Variants in NCAM2 observed in about 807,000 individuals in gnomAD.
The protein encoded by NCAM2 is neural cell adhesion molecule 2.
Under a neutral mutation model 98.1 loss-of-function variants are expected in NCAM2, and 30 were observed. The ratio of observed to expected loss-of-function variants is 0.31; its 90% confidence interval spans 0.23 to 0.41. The LOEUF (loss-of-function observed/expected upper bound fraction) is 0.41, where lower values mean the gene tolerates loss of function less well. Among genes scored for constraint, NCAM2 ranks in the 10% least tolerant of loss-of-function variants. The pLI, the probability that NCAM2 is intolerant of heterozygous loss-of-function variation, is 1.00. For missense variants in NCAM2, 867 were observed against 1,005.8 expected (o/e 0.86, Z 1.87); for synonymous variants, 368 against 342.4 (o/e 1.07, Z -0.83).
chr21:21,308,577 G>T (rs2073951695), intron 5 of NCAM2, among the ~76,000 whole-genome samples: 1 of 152,100 alleles, frequency 6.6e-6, no homozygotes, highest in South Asian at 2.1e-4. Flanking sequence ...CTTAAGCAGT[G>T]TGGATACATT....
intron 1 of NCAM2, among the ~76,000 whole-genome samples, chr21:21,179,066 C>G (rs1051235039): frequency 2.0e-5 from 3 of 152,022 alleles, no homozygotes; most frequent in Admixed American, 2.0e-4. Context: ...TTCAGAGCTG[C>G]CTCTGAACTT....
At chr21:21,273,703 A>G (rs984654412) in intron 1 of NCAM2, among the ~76,000 whole-genome samples, 3 of 152,166 alleles carry the variant, frequency 2.0e-5, no homozygotes, top group Non-Finnish European at 4.4e-5. Context: ...CAAGTAGGAT[A>G]TACTGTATTA....
chr21:21,266,533 A>G (rs1240747757), intron 1 of NCAM2, among the ~76,000 whole-genome samples: 2 of 152,174 alleles, frequency 1.3e-5, no homozygotes, highest in African/African-American at 2.4e-5. Context: ...ATGGAATACT[A>G]TGCAGCCATA....
intron 1 of NCAM2, among the ~76,000 whole-genome samples, chr21:21,091,144 G>A (rs1041294538): frequency 1.3e-5 from 2 of 152,116 alleles, no homozygotes; most frequent in Admixed American, 1.3e-4. Context: ...ACTGTGTGTT[G>A]CATGAATGAA....
At chr21:21,184,767 T>C (rs961730959) in intron 1 of NCAM2, among the ~76,000 whole-genome samples, 3 of 152,182 alleles carry the variant, frequency 2.0e-5, no homozygotes, top group African/African-American at 7.2e-5. Flanking sequence ...TTCCTTGTTC[T>C]CAGTGAACCT....
At chr21:21,508,145 G>C (rs1988108999) in intron 15 of NCAM2, among the ~76,000 whole-genome samples, 1 of 152,040 alleles carries the variant, frequency 6.6e-6, no homozygotes, top group African/African-American at 2.4e-5. Flanking sequence ...CCAAAGAAAA[G>C]TGGCTTCCAC....
intron 8 of NCAM2, among the ~76,000 whole-genome samples, chr21:21,344,630 C>T (rs1602050979): frequency 6.6e-6 from 1 of 152,138 alleles, no homozygotes; most frequent in Non-Finnish European, 1.5e-5. Flanking sequence ...ACCAGGTAGA[C>T]TTCTAAGGTT....
At chr21:21,496,551 G>A (rs1037779189) in intron 15 of NCAM2, among the ~76,000 whole-genome samples, 8 of 151,842 alleles carry the variant, frequency 5.3e-5, no homozygotes, top group African/African-American at 1.5e-4. Context: ...ATTTTCCCCC[G>A]TTCTGTAGAT....
intron 1 of NCAM2, among the ~76,000 whole-genome samples, chr21:21,097,371 T>C (rs1390195413): frequency 1.3e-5 from 2 of 151,752 alleles, no homozygotes; most frequent in Non-Finnish European, 3.0e-5. Context: ...GCAGGTATTA[T>C]TTCACTAAAC....
intron 1 of NCAM2, among the ~76,000 whole-genome samples, chr21:21,273,898 G>A (rs906060948): frequency 1.4e-4 from 21 of 152,124 alleles, no homozygotes; most frequent in African/African-American, 4.8e-4. Flanking sequence ...GGGTGCGTTG[G>A]CTCATGCCTG....
intron 1 of NCAM2, among the ~76,000 whole-genome samples, chr21:21,064,057 C>T (rs1420486179): frequency 6.6e-6 from 1 of 152,106 alleles, no homozygotes; most frequent in Admixed American, 6.5e-5. Context: ...TAGGGGGATA[C>T]AGATCTTAAG....
At chr21:21,051,457 T>G (rs1490343548) in intron 1 of NCAM2, among the ~76,000 whole-genome samples, 1 of 152,224 alleles carries the variant, frequency 6.6e-6, no homozygotes, top group East Asian at 1.9e-4. Context: ...TAACTTTTCA[T>G]GTAGTGGATG....
At chr21:21,318,785 A>G (rs2074291439) in intron 5 of NCAM2, among the ~76,000 whole-genome samples, 1 of 152,188 alleles carries the variant, frequency 6.6e-6, no homozygotes, top group South Asian at 2.1e-4. Flanking sequence ...GGTGACTTAT[A>G]CTTGCCCAAT....
intron 1 of NCAM2, among the ~76,000 whole-genome samples, chr21:21,010,678 G>A (rs73895105): frequency 0.018 from 2,714 of 152,160 alleles, 78 homozygotes; most frequent in African/African-American, 0.061. Context: ...TTTCACTTGA[G>A]CTTTCCTGCT....
At chr21:21,091,165 G>A (rs1204924166) in intron 1 of NCAM2, among the ~76,000 whole-genome samples, 1 of 152,062 alleles carries the variant, frequency 6.6e-6, no homozygotes, top group African/African-American at 2.4e-5. Context: ...TGATATCCAA[G>A]CTTAAAAACT....
intron 8 of NCAM2, among the ~76,000 whole-genome samples, chr21:21,359,656 A>C (rs1351023160): frequency 6.6e-6 from 1 of 151,942 alleles, no homozygotes; most frequent in African/African-American, 2.4e-5. Flanking sequence ...ACTAAAAGTG[A>C]TTTTAATAAG....
chr21:21,286,986 A>G (rs766313352), intron 4 of NCAM2, among the ~76,000 whole-genome samples: 5 of 151,942 alleles, frequency 3.3e-5, no homozygotes, highest in Non-Finnish European at 7.4e-5. Context: ...TACAAGTTCT[A>G]AATATTATGG....
intron 11 of NCAM2, among the ~76,000 whole-genome samples, chr21:21,429,218 T>C (rs1297059201): frequency 3.3e-5 from 5 of 152,300 alleles, no homozygotes; most frequent in Non-Finnish European, 1.5e-5. Flanking sequence ...TGGCCCATGT[T>C]TTGATGATGG....
chr21:21,034,766 G>C (rs1055587399), intron 1 of NCAM2, among the ~76,000 whole-genome samples: 7 of 152,034 alleles, frequency 4.6e-5, no homozygotes, highest in African/African-American at 1.7e-4. Context: ...TTTCTCTCCA[G>C]TCCCTCATCT....
Sources: gnomAD v4.1 joint callset for allele counts (sites outside exome capture counted in the v4.1 genomes callset) on GRCh38, gnomAD v4.1.1 for gene constraint, MANE v1.5 for transcripts, NCBI Gene and HGNC (gene_info 2026-07-23, HGNC 2026-07-21) for gene names.